The following LARGE1 variants were observed in gnomAD, a reference collection of about 807,000 sequenced individuals.
LARGE1 encodes the protein LARGE xylosyl- and glucuronyltransferase 1.
In LARGE1, 43 loss-of-function variants were observed where a neutral mutation model predicts 87.6. That is an observed-to-expected ratio of 0.49 (90% CI 0.38 to 0.63). The LOEUF (loss-of-function observed/expected upper bound fraction) is 0.63. LARGE1 is among the 30% of genes least tolerant of loss of function. The pLI is 0.00. For missense variants in LARGE1, 802 were observed against 1,000.2 expected, an observed-to-expected ratio of 0.80 and a Z score of 2.67; for synonymous variants, 434 against 394.6, an observed-to-expected ratio of 1.10 and a Z score of -1.18.
intron 11 of LARGE1, among the ~76,000 whole-genome samples, chr22:33,267,452 T>A (rs760388116): frequency 2.0e-5 from 3 of 151,714 alleles, no homozygotes; most frequent in Non-Finnish European, 4.4e-5. Flanking sequence ...TTCTTTCTGC[T>A]GAATTAGACA....
chr22:33,838,882 AG>A (rs1460781766), intron 1 of LARGE1, among the ~76,000 whole-genome samples: 1 of 152,074 alleles, frequency 6.6e-6, no homozygotes, highest in Non-Finnish European at 1.5e-5. Flanking sequence ...TATATCAGGG[AG>A]GAAAAAAATG....
chr22:33,809,803 C>T (rs759216291), intron 1 of LARGE1, among the ~76,000 whole-genome samples: 1 of 151,944 alleles, frequency 6.6e-6, no homozygotes, highest in Non-Finnish European at 1.5e-5. Context: ...ATATTTTACA[C>T]TTAAGTACAT....
At chr22:33,185,679 A>T (rs1468498837) in intron 11 of LARGE1, among the ~76,000 whole-genome samples, 1 of 152,160 alleles carries the variant, frequency 6.6e-6, no homozygotes, top group Non-Finnish European at 1.5e-5. Context: ...ACTCTCTGTA[A>T]TTCCACTCAA....
intron 1 of LARGE1, among the ~76,000 whole-genome samples, chr22:33,783,997 T>C (rs576581245): frequency 3.4e-4 from 52 of 152,168 alleles, no homozygotes; most frequent in Admixed American, 1.1e-3. Flanking sequence ...ATCTCTCTCT[T>C]TCTTTTTTCT....
intron 2 of LARGE1, among the ~76,000 whole-genome samples, chr22:33,749,419 T>G (rs1242283144): frequency 1.3e-5 from 2 of 152,200 alleles, no homozygotes; most frequent in Non-Finnish European, 2.9e-5. Context: ...AGCCCTGTGC[T>G]CTCCTTTTTA....
At chr22:33,534,629 T>C (rs1470916255) in intron 6 of LARGE1, among the ~76,000 whole-genome samples, 1 of 151,240 alleles carries the variant, frequency 6.6e-6, no homozygotes, top group Non-Finnish European at 1.5e-5. Flanking sequence ...ACAGAAAGAG[T>C]GTGGATTATT....
At chr22:33,630,199 C>CA (rs928099427) in intron 3 of LARGE1, among the ~76,000 whole-genome samples, 35 of 149,888 alleles carry the variant, frequency 2.3e-4, no homozygotes, top group East Asian at 5.9e-4. Context: ...AACTCGGTCT[C>CA]AAAAAAAAAC....
chr22:33,308,100 G>A (rs1168591753), intron 11 of LARGE1, among the ~76,000 whole-genome samples: 2 of 152,254 alleles, frequency 1.3e-5, no homozygotes, highest in Admixed American at 6.5e-5. Flanking sequence ...AACAGGTGGG[G>A]GCTATTCCAG....
the LARGE1 span, among the ~76,000 whole-genome samples, chr22:33,132,058 A>G: frequency 2.6e-5 from 4 of 151,480 alleles, no homozygotes; most frequent in Admixed American, 2.0e-4. Context: ...TGATTCAATC[A>G]CCTTCCACCA....
At chr22:33,554,115 G>C (rs1286750349) in intron 6 of LARGE1, among the ~76,000 whole-genome samples, 1 of 152,104 alleles carries the variant, frequency 6.6e-6, no homozygotes, top group Non-Finnish European at 1.5e-5. Context: ...ACACAATCAG[G>C]GTGAGTCCAG....
intron 1 of LARGE1, among the ~76,000 whole-genome samples, chr22:33,888,473 G>A (rs2064918370): frequency 1.3e-5 from 2 of 152,114 alleles, no homozygotes; most frequent in African/African-American, 2.4e-5. Context: ...TACTAATAAA[G>A]CTCATGATAA....
At chr22:33,899,632 C>T (rs995591938) in intron 1 of LARGE1, among the ~76,000 whole-genome samples, 10 of 152,128 alleles carry the variant, frequency 6.6e-5, no homozygotes, top group African/African-American at 1.7e-4. Context: ...CCTCCTCACC[C>T]GCCCCCTCAC....
At chr22:33,677,288 TAAAAAAAAAAA>T (rs779032764) in intron 2 of LARGE1, among the ~76,000 whole-genome samples, 1 of 110,178 alleles carries the variant, frequency 9.1e-6, no homozygotes, top group Non-Finnish European at 2.0e-5. Flanking sequence ...TTTCAGGAGT[TAAAAAAAAAAA>T]AAAAAAAAGA....
the LARGE1 span, among the ~76,000 whole-genome samples, chr22:33,098,944 G>A: frequency 6.6e-6 from 1 of 152,180 alleles, no homozygotes; most frequent in African/African-American, 2.4e-5. Flanking sequence ...AAGAGGCCTA[G>A]AATATTATCC....
At chr22:33,894,765 C>G (rs552470727) in intron 1 of LARGE1, among the ~76,000 whole-genome samples, 1 of 152,148 alleles carries the variant, frequency 6.6e-6, no homozygotes, top group African/African-American at 2.4e-5. Flanking sequence ...TCAGTGTGCT[C>G]CTCTGTAAGT....
chr22:33,134,406 C>T, the LARGE1 span, among the ~76,000 whole-genome samples: 2 of 152,020 alleles, frequency 1.3e-5, no homozygotes, highest in Non-Finnish European at 2.9e-5. Context: ...CTACAAGCGC[C>T]CGCCACCACG....
chr22:33,298,030 G>A (rs976618439), intron 12 of LARGE1, among the ~76,000 whole-genome samples: 3 of 150,260 alleles, frequency 2.0e-5, no homozygotes, highest in Non-Finnish European at 3.0e-5. Flanking sequence ...GTCAGTGAAA[G>A]GTGTCAGAAA....
At chr22:33,252,677 T>C (rs1354143244) in intron 11 of LARGE1, among the ~76,000 whole-genome samples, 1 of 152,218 alleles carries the variant, frequency 6.6e-6, no homozygotes, top group Admixed American at 6.5e-5. Flanking sequence ...TGCCTTCCTT[T>C]GTTTGTTGGT....
At chr22:33,428,327 T>A (rs890831411) in intron 7 of LARGE1, among the ~76,000 whole-genome samples, 1 of 151,272 alleles carries the variant, frequency 6.6e-6, no homozygotes, top group Non-Finnish European at 1.5e-5. Context: ...TCTTTTTTTT[T>A]TTTTTTTGAG....
Sources: gnomAD v4.1 joint callset for allele counts (sites outside exome capture counted in the v4.1 genomes callset) on GRCh38, gnomAD v4.1.1 for gene constraint, MANE v1.5 for transcripts, NCBI Gene and HGNC (gene_info 2026-07-23, HGNC 2026-07-21) for gene names.